ROBO1: variants seen among roughly 807,000 people sequenced by gnomAD.
The protein encoded by ROBO1 is roundabout guidance receptor 1, also known as roundabout homolog 1.
A neutral mutation model predicts 195.9 loss-of-function variants in ROBO1; 149 were observed. The ratio of observed to expected loss-of-function variants is 0.76; its 90% CI spans 0.67 to 0.87. The LOEUF (loss-of-function observed/expected upper bound fraction) is 0.87. Ranked by LOEUF, ROBO1 falls within the 40% of genes least tolerant of loss-of-function variation. The pLI, the probability that ROBO1 is intolerant of heterozygous loss-of-function variation, is 0.00. For missense variants in ROBO1, 1,933 were observed against 2,068.3 expected (o/e 0.93, Z 1.27); for synonymous variants, 816 against 733.2 (o/e 1.11, Z -1.82).
At chr3:79,031,603 TC>T (rs1353447035) in intron 3 of ROBO1, among the ~76,000 whole-genome samples, 3 of 152,226 alleles carry the variant, frequency 2.0e-5, no homozygotes, top group Non-Finnish European at 4.4e-5. Flanking sequence ...TAGCACCTAT[TC>T]TTTTTATATT....
intron 10 of ROBO1, among the ~76,000 whole-genome samples, chr3:78,679,597 A>T (rs1470201084): frequency 6.6e-6 from 1 of 152,172 alleles, no homozygotes; most frequent in Non-Finnish European, 1.5e-5. Flanking sequence ...AGAGAATAAA[A>T]TACCTAGGAA....
intron 4 of ROBO1, among the ~76,000 whole-genome samples, chr3:78,860,002 C>CGG: frequency 6.6e-6 from 1 of 151,880 alleles, no homozygotes; most frequent in South Asian, 2.1e-4. Flanking sequence ...TGGCATGAAC[C>CGG]CAGGAGGCGG....
At chr3:79,696,399 G>T (rs2107124146) in intron 1 of ROBO1, among the ~76,000 whole-genome samples, 1 of 149,722 alleles carries the variant, frequency 6.7e-6, no homozygotes, top group South Asian at 2.1e-4. Context: ...TTATATTTAG[G>T]AATTGATCTA....
At chr3:79,655,359 T>C (rs1269846045) in intron 1 of ROBO1, among the ~76,000 whole-genome samples, 4 of 152,028 alleles carry the variant, frequency 2.6e-5, no homozygotes. Context: ...CACAATACTG[T>C]TCTAAATGAA....
chr3:79,503,045 C>G (rs1940189008), intron 2 of ROBO1, among the ~76,000 whole-genome samples: 1 of 152,164 alleles, frequency 6.6e-6, no homozygotes, highest in Non-Finnish European at 1.5e-5. Flanking sequence ...GACAACCTCT[C>G]AGGTCTCTTT....
At chr3:78,852,952 A>G (rs552877716) in intron 4 of ROBO1, among the ~76,000 whole-genome samples, 11 of 152,192 alleles carry the variant, frequency 7.2e-5, no homozygotes, top group Non-Finnish European at 1.2e-4. Context: ...AGGTTTATGC[A>G]TATAAAAAAG....
intron 2 of ROBO1, among the ~76,000 whole-genome samples, chr3:79,406,808 C>T (rs1246908265): frequency 8.5e-5 from 13 of 152,058 alleles, no homozygotes; most frequent in South Asian, 4.1e-4. Flanking sequence ...CTTTTTTCTT[C>T]ACATATAATT....
At chr3:78,657,951 A>C (rs1707141225) in intron 17 of ROBO1, among the ~76,000 whole-genome samples, 2 of 152,232 alleles carry the variant, frequency 1.3e-5, no homozygotes, top group Non-Finnish European at 2.9e-5. Flanking sequence ...ATTATCAATG[A>C]GAGACAATTT....
chr3:79,574,256 GT>G (rs1311513619), intron 2 of ROBO1, among the ~76,000 whole-genome samples: 3 of 151,736 alleles, frequency 2.0e-5, no homozygotes, highest in Non-Finnish European at 4.4e-5. Context: ...ATTTCCTCTG[GT>G]TCCATTGCTT....
At chr3:79,212,292 G>C (rs1262763118) in intron 2 of ROBO1, among the ~76,000 whole-genome samples, 1 of 152,184 alleles carries the variant, frequency 6.6e-6, no homozygotes, top group African/African-American at 2.4e-5. Context: ...TTTGTGGCCA[G>C]ATTTGGGGGC....
intron 2 of ROBO1, among the ~76,000 whole-genome samples, chr3:79,320,242 CA>C (rs1050429182): frequency 1.4e-4 from 22 of 152,276 alleles, no homozygotes; most frequent in African/African-American, 5.3e-4. Context: ...GTATGGGCTA[CA>C]GAGCTGTGGG....
chr3:79,675,026 T>G (rs1946744409), intron 1 of ROBO1, among the ~76,000 whole-genome samples: 1 of 151,984 alleles, frequency 6.6e-6, no homozygotes, highest in African/African-American at 2.4e-5. Flanking sequence ...AAATGTCATT[T>G]CAATTCCAAA....
intron 4 of ROBO1, among the ~76,000 whole-genome samples, chr3:78,758,492 C>T (rs2083000258): frequency 7.0e-6 from 1 of 142,862 alleles, no homozygotes; most frequent in Admixed American, 7.2e-5. Flanking sequence ...TGCCACTTCA[C>T]TCCAGCCTGG....
intron 3 of ROBO1, among the ~76,000 whole-genome samples, chr3:79,018,061 C>T (rs1222909282): frequency 6.6e-6 from 1 of 152,146 alleles, no homozygotes; most frequent in Admixed American, 6.5e-5. Flanking sequence ...TTCGGCTCAT[C>T]CTGGGGGCCC....
At chr3:78,631,010 C>T in intron 25 of ROBO1, 151 bp downstream of exon 25, 1 of 790,072 alleles carries the variant, frequency 1.3e-6, no homozygotes, top group Non-Finnish European at 1.9e-6. Context: ...AGAATTTTTA[C>T]TTCCTGCTGA....
intron 2 of ROBO1, among the ~76,000 whole-genome samples, chr3:79,425,256 C>T (rs146574485): frequency 3.3e-5 from 5 of 152,168 alleles, no homozygotes; most frequent in East Asian, 3.9e-4. Context: ...TTGTTAGAAA[C>T]GGACCACGCT....
chr3:79,545,265 C>G (rs1314551432), intron 2 of ROBO1, among the ~76,000 whole-genome samples: 1 of 152,142 alleles, frequency 6.6e-6, no homozygotes, highest in Non-Finnish European at 1.5e-5. Flanking sequence ...AAGTATTCAT[C>G]AAATAAAAGT....
chr3:78,691,083 A>C (rs113626735), intron 8 of ROBO1, among the ~76,000 whole-genome samples: 75 of 152,244 alleles, frequency 4.9e-4, no homozygotes, highest in African/African-American at 1.5e-3. Context: ...TAGAAACATA[A>C]CTTTTAAAAA....
At chr3:79,666,339 C>T (rs948448944) in intron 1 of ROBO1, among the ~76,000 whole-genome samples, 1 of 151,946 alleles carries the variant, frequency 6.6e-6, no homozygotes, top group Non-Finnish European at 1.5e-5. Context: ...TGAACTCCTT[C>T]TCTTATTTCT....
Sources: gnomAD v4.1 joint callset for allele counts (sites outside exome capture counted in the v4.1 genomes callset) on GRCh38, gnomAD v4.1.1 for gene constraint, MANE v1.5 for transcripts, NCBI Gene and HGNC (gene_info 2026-07-23, HGNC 2026-07-21) for gene names.